The following GNG7 variants were observed in gnomAD, a reference collection of about 807,000 sequenced individuals.
The protein encoded by GNG7 is guanine nucleotide-binding protein G(I)/G(S)/G(O) subunit gamma-7.
Under a neutral mutation model 4.0 loss-of-function variants are expected in GNG7, and 1 was observed. The observed-to-expected ratio is 0.25, with a 90% CI of 0.09 to 1.18. The LOEUF is 1.18. Among genes scored for constraint, GNG7 ranks in the 50% most tolerant of loss-of-function variants. The pLI is 0.50. For synonymous variants in GNG7, 34 were observed against 36.9 expected (o/e 0.92, Z 0.29); for missense variants, 86 against 91.9 (o/e 0.94, Z 0.26).
At chr19:2,605,428 G>T (rs1429946270) in intron 2 of GNG7, among the ~76,000 whole-genome samples, 3 of 149,892 alleles carry the variant, frequency 2.0e-5, no homozygotes, top group Admixed American at 6.7e-5. Flanking sequence ...CAAACTTGTG[G>T]CCTCAAGTGA....
At chr19:2,573,180 C>T (rs1252424100) in intron 2 of GNG7, among the ~76,000 whole-genome samples, 10 of 151,752 alleles carry the variant, frequency 6.6e-5, no homozygotes, top group Admixed American at 6.6e-4. Flanking sequence ...CGCCACCACA[C>T]CCGGCTAATT....
At chr19:2,520,921 G>A (rs751654891) in intron 3 of GNG7, among the ~76,000 whole-genome samples, 196 bp from the exon 4 acceptor site, 17 of 152,270 alleles carry the variant, frequency 1.1e-4, no homozygotes, top group East Asian at 3.9e-4. Context: ...GCGGTCAGCC[G>A]TCACAATCCT....
chr19:2,647,560 A>T (rs1982698152), intron 1 of GNG7, among the ~76,000 whole-genome samples: 1 of 152,088 alleles, frequency 6.6e-6, no homozygotes, highest in African/African-American at 2.4e-5. Flanking sequence ...GACAAAAAAA[A>T]TTTAAAAATT....
intron 1 of GNG7, among the ~76,000 whole-genome samples, chr19:2,689,057 CTG>C (rs1486333937): frequency 6.6e-6 from 1 of 151,264 alleles, no homozygotes; most frequent in Non-Finnish European, 1.5e-5. Context: ...GAGTAAGACT[CTG>C]TCTCAAAAAA....
chr19:2,637,227 G>T (rs1232775584), intron 2 of GNG7, among the ~76,000 whole-genome samples: 1 of 147,694 alleles, frequency 6.8e-6, no homozygotes, highest in African/African-American at 2.4e-5. Flanking sequence ...CCGCCCCCGA[G>T]CCCGGCCCGT....
intron 1 of GNG7, among the ~76,000 whole-genome samples, chr19:2,685,096 C>T (rs1983838948): frequency 6.6e-6 from 1 of 151,460 alleles, no homozygotes; most frequent in South Asian, 2.1e-4. Context: ...TGCACTCCAG[C>T]CTGGGTGACA....
At position 2,633,472 on chromosome 19, in the gene GNG7, C is replaced by CGA. The variant is rs1982216127; in HGVS notation, c.-78+12751_-78+12752insTC. Among the ~76,000 whole-genome samples, 1 of 98,242 alleles carries CGA rather than the reference C, an allele frequency of 1.0e-5. No individual in the cohort carries two copies. Among genetic ancestry groups the CGA allele is most frequent in the Non-Finnish European group, 1.8e-5 (1 of 54,134 alleles). The allele number at this position is 98,242 out of a possible 152,430, so 64.5% of individuals were successfully genotyped here. On this transcript the variant is annotated intron_variant, in intron 2 of 4. Transcript: ENST00000382159. The surrounding 1 kb of genome is among the most constrained non-coding windows in gnomAD (Gnocchi z 5.9). Reference sequence around the variant, plus strand: ...GTTCAAGCGGTTGCTTAGCAACAGGCGCGCGCGCGCGCGCGCACACACACA... The same window carrying CGA: ...GTTCAAGCGGTTGCTTAGCAACAGGCGAGCGCGCGCGCGCGCGCACACACACA...
chr19:2,659,109 A>G (rs928150592), intron 1 of GNG7, among the ~76,000 whole-genome samples: 8 of 151,792 alleles, frequency 5.3e-5, no homozygotes, highest in Admixed American at 3.9e-4. Flanking sequence ...AGCTGGGACT[A>G]CAGGCGCCCG....
chr19:2,512,581 C>G lies in GNG7; in HGVS notation c.*2441G>C, dbSNP rs1972671301. On this transcript the variant is annotated 3_prime_UTR_variant, in exon 5 of 5. Transcript: ENST00000382159. This position sits in a 1 kb window ranked among gnomAD's most constrained non-coding sequence, Gnocchi z 4.7. ...GTTTAACCCCACCATCTGCACCAGCCTAGGAGCCCCGGCTGCCTGGGGCTG... is the reference window on the plus strand; with the variant it reads ...GTTTAACCCCACCATCTGCACCAGCGTAGGAGCCCCGGCTGCCTGGGGCTG... 5.8e-6 allele frequency: 1 copy of G among 172,980 alleles called. No individual in the cohort carries two copies. The highest frequency in any genetic ancestry group is 1.9e-4 in the South Asian group (1 of 5,214). 10.7% of individuals were successfully genotyped at this position (172,980 alleles called of 1,614,324 possible).
chr19:2,622,140 C>T (rs1442874997), intron 2 of GNG7, among the ~76,000 whole-genome samples: 1 of 151,244 alleles, frequency 6.6e-6, no homozygotes, highest in Non-Finnish European at 1.5e-5. Flanking sequence ...AGTGCAGTGG[C>T]GAGATCTCGG....
intron 2 of GNG7, among the ~76,000 whole-genome samples, chr19:2,608,256 C>G (rs137973430): frequency 2.6e-5 from 4 of 151,796 alleles, no homozygotes; most frequent in East Asian, 1.9e-4. Flanking sequence ...GCAGAAAGAC[C>G]GAAACGCAAG....
intron 2 of GNG7, among the ~76,000 whole-genome samples, chr19:2,592,697 G>C (rs938557169): frequency 7.3e-6 from 1 of 136,262 alleles, no homozygotes; most frequent in East Asian, 2.4e-4. Context: ...TGATTGCATC[G>C]TTTCACTCCA....
intron 1 of GNG7, among the ~76,000 whole-genome samples, chr19:2,694,130 G>A (rs1397690618): frequency 1.3e-5 from 2 of 151,896 alleles, no homozygotes; most frequent in Non-Finnish European, 2.9e-5. Flanking sequence ...TGTAAGGCTG[G>A]GTAAGCACAG....
intron 3 of GNG7, among the ~76,000 whole-genome samples, chr19:2,553,471 T>TTATATAC (rs1979407439): frequency 1.4e-5 from 2 of 147,176 alleles, no homozygotes; most frequent in South Asian, 4.2e-4. Context: ...ATGTTATATA[T>TTATATAC]TATATACTAT....
chr19:2,522,832 G>C (rs956104637), intron 3 of GNG7, among the ~76,000 whole-genome samples: 3 of 151,386 alleles, frequency 2.0e-5, no homozygotes, highest in African/African-American at 4.9e-5. Flanking sequence ...TCCAGGGCCT[G>C]GGATGTGTAG....
chr19:2,635,585 G>GT (rs746930065), intron 2 of GNG7, among the ~76,000 whole-genome samples: 1 of 90,782 alleles, frequency 1.1e-5, no homozygotes, highest in African/African-American at 3.5e-5. Flanking sequence ...AACTTGGGGT[G>GT]ATTTTTTTTT....
At position 2,567,131 on chromosome 19, in the gene GNG7, AC is replaced by A. The variant is rs1368906642; in HGVS notation, c.-77-11944del. ...CGTCTCAAAAAAAAAAACAAAAAAA[AC>A]AAAAAAAAAACAAAAAAAAAAACAC... On this transcript the variant is annotated intron_variant, in intron 2 of 4. Coordinates refer to ENST00000382159, the MANE Select transcript of GNG7 (RefSeq NM_052847.3). Among the ~76,000 whole-genome samples, 201 of 53,212 alleles carry A rather than the reference AC, an allele frequency of 3.8e-3. 1 individual carries two copies. The highest frequency in any genetic ancestry group is 4.1e-3 in the Non-Finnish European group (107 of 26,394). The allele number at this position is 53,212 out of a possible 152,430, so 34.9% of individuals were successfully genotyped here. A position where few individuals can be genotyped will look rare whatever the true frequency, so the allele number is the denominator to read the frequency against.
chr19:2,694,387 C>T (rs542975863), intron 1 of GNG7, among the ~76,000 whole-genome samples: 5 of 152,188 alleles, frequency 3.3e-5, no homozygotes, highest in East Asian at 3.9e-4. Flanking sequence ...CTGGGGACAT[C>T]GGTGGCTGTC....
At chr19:2,647,410 C>T (rs571054738) in intron 1 of GNG7, among the ~76,000 whole-genome samples, 1 of 152,276 alleles carries the variant, frequency 6.6e-6, no homozygotes, top group Non-Finnish European at 1.5e-5. Flanking sequence ...CCGACCCACC[C>T]CACGAGCCTT....
Sources: allele counts gnomAD v4.1 joint callset (sites outside exome capture counted in the v4.1 genomes callset), GRCh38; gene constraint gnomAD v4.1.1; non-coding constraint Gnocchi (gnomAD v3.1); transcripts MANE v1.5; gene names NCBI Gene and HGNC (gene_info 2026-07-23, HGNC 2026-07-21).